Variants in SETX observed in about 807,000 individuals in gnomAD.
SETX encodes senataxin.
Under a neutral mutation model 227.2 loss-of-function variants are expected in SETX, and 90 were observed. The ratio of observed to expected loss-of-function variants is 0.40; its 90% confidence interval spans 0.33 to 0.47. The LOEUF is 0.47. Among genes scored for constraint, SETX ranks in the 20% least tolerant of loss-of-function variants. The pLI is 0.91. For synonymous variants in SETX, 1,210 were observed against 1,113.2 expected (o/e 1.09, Z -1.73); for missense variants, 3,052 against 3,181.5 (o/e 0.96, Z 0.98).
intron 25 of SETX, among the ~76,000 whole-genome samples, chr9:132,265,466 C>T (rs1423510520): frequency 6.6e-6 from 1 of 152,066 alleles, no homozygotes; most frequent in African/African-American, 2.4e-5. Flanking sequence ...ACCTCATGAT[C>T]CGCCCGCCTC....
chr9:132,289,377 C>A (rs761403211), intron 15 of SETX, among the ~76,000 whole-genome samples: 1 of 152,164 alleles, frequency 6.6e-6, no homozygotes, highest in Non-Finnish European at 1.5e-5. Context: ...GTATGACACA[C>A]GGCTCTCCTT....
chr9:132,296,115 TC>T, intron 14 of SETX, 87 bp from the exon 15 acceptor site: 1 of 1,489,522 alleles, frequency 6.7e-7, no homozygotes, highest in East Asian at 2.3e-5. Flanking sequence ...TGTCTTTACT[TC>T]CATGTATTTT....
At chr9:132,323,616 G>A (rs906382123) in intron 10 of SETX, among the ~76,000 whole-genome samples, 12 of 152,122 alleles carry the variant, frequency 7.9e-5, no homozygotes, top group Admixed American at 4.6e-4. Context: ...AAATATGGAA[G>A]GAAGGCCAGG....
rs111606315 is a variant in SETX, at chr9:132,284,424, T to G, written c.6397-1011A>C. ...TAAATTCAACTATATTTTAGTCACA[T>G]AGAGAAAGATCATAATCCATTCAGG... is the stretch of plus-strand genomic sequence containing the variant. On this transcript the variant is annotated intron_variant, in intron 18 of 25. Coordinates refer to ENST00000224140, the MANE Select transcript of SETX (RefSeq NM_015046.7). Among the ~76,000 whole-genome samples the G allele has an allele frequency of 4.2e-3, 635 of 152,316 alleles. 7 individuals carry two copies. Among genetic ancestry groups the G allele is most frequent in the African/African-American group, 0.013 (557 of 41,566 alleles).
intron 7 of SETX, 53 bp from the exon 8 acceptor site, chr9:132,331,501 T>A: frequency 1.3e-6 from 2 of 1,558,670 alleles, no homozygotes; most frequent in South Asian, 2.2e-5. Flanking sequence ...AAAAACATAC[T>A]ACAATATATT....
intron 24 of SETX, among the ~76,000 whole-genome samples, chr9:132,270,318 CG>C (rs1240304106): frequency 6.6e-6 from 1 of 151,876 alleles, no homozygotes; most frequent in Non-Finnish European, 1.5e-5. Flanking sequence ...AATGACTCAG[CG>C]TGCCCGTGTG....
At chr9:132,353,940 C>T (rs936162739) in intron 1 of SETX, among the ~76,000 whole-genome samples, 185 bp from the exon 2 acceptor site, 12 of 152,202 alleles carry the variant, frequency 7.9e-5, no homozygotes, top group African/African-American at 2.9e-4. Flanking sequence ...CCCAGTTCCA[C>T]AAGGGGCTGT....
intron 25 of SETX, among the ~76,000 whole-genome samples, chr9:132,266,413 A>T (rs1330030037): frequency 6.6e-6 from 1 of 152,240 alleles, no homozygotes; most frequent in East Asian, 1.9e-4. Flanking sequence ...TAAACCATTT[A>T]AAAATAATGC....
intron 15 of SETX, 87 bp from the exon 16 acceptor site, chr9:132,288,738 A>G (rs1262901769): frequency 1.1e-6 from 1 of 891,772 alleles, no homozygotes. Context: ...TTCTAAGTAA[A>G]TATGTTAATA....
chr9:132,343,383 G>C (rs1015466307), intron 4 of SETX, among the ~76,000 whole-genome samples: 3 of 152,040 alleles, frequency 2.0e-5, no homozygotes, highest in Admixed American at 2.0e-4. Flanking sequence ...TCTCCATAGG[G>C]AATGTATAAA....
intron 16 of SETX, 72 bp from the exon 17 acceptor site, chr9:132,288,423 A>G: frequency 1.4e-6 from 2 of 1,412,564 alleles, no homozygotes; most frequent in Admixed American, 1.8e-5. Context: ...ATACAACACA[A>G]TGAGAAGGAA....
At chr9:132,325,075 G>A (rs756463507) in intron 10 of SETX, among the ~76,000 whole-genome samples, 15 of 152,202 alleles carry the variant, frequency 9.9e-5, no homozygotes, top group African/African-American at 1.7e-4. Context: ...AGAAACTGGC[G>A]GCCAGACGCA....
rs1847054150 is a variant in SETX at position 132,329,148 on chromosome 9, ACAGT to A, written c.2446_2449del (p.Thr816TyrfsTer27). ...TGAATAGAAACTCTCAATGTTAGATACAGTCAAATTTTCATCTAAATTGATAGTA... is the reference window on the plus strand; with the variant it reads ...TGAATAGAAACTCTCAATGTTAGATACAAATTTTCATCTAAATTGATAGTA... On this transcript the variant is annotated frameshift_variant, in exon 10 of 26. Coordinates refer to ENST00000224140, the MANE Select transcript of SETX (RefSeq NM_015046.7). LOFTEE classifies it high-confidence loss of function. 1.2e-6 allele frequency: 2 copies of A among 1,611,464 alleles called. No homozygotes were observed. The highest frequency in any genetic ancestry group is 1.3e-5 in the African/African-American group (1 of 74,858).
chr9:132,329,892 T>C lies in SETX; in HGVS notation c.1706A>G (p.Asn569Ser), dbSNP rs776017576. The C allele has an allele frequency of 3.1e-6, 5 of 1,614,156 alleles. No homozygotes were observed. The highest frequency in any genetic ancestry group is 1.6e-4 in the Middle Eastern group (1 of 6,062). Reference sequence around the variant, plus strand: ...AGTCAACTGCCAACCTAGAGATAAATTTCCTCTAAGGAATAAGTTGAGCTT... The same window carrying C: ...AGTCAACTGCCAACCTAGAGATAAACTTCCTCTAAGGAATAAGTTGAGCTT... ...WDKLNLFLRG[N>S]LSLGWQLTSQ... The change falls in exon 10 of 26, where the codon AAT (asparagine) becomes AGT (serine). Residue 569 changes from asparagine (N) to serine (S), a missense_variant. This residue lies in a region of SETX where 179 missense variants were observed against 197.1 expected (regional missense o/e 0.91). Coordinates refer to ENST00000224140, the MANE Select transcript of SETX (RefSeq NM_015046.7).
intron 5 of SETX, among the ~76,000 whole-genome samples, chr9:132,342,221 C>T (rs1564563409): frequency 6.6e-6 from 1 of 152,190 alleles, no homozygotes; most frequent in African/African-American, 2.4e-5. Context: ...GGTTTCAATG[C>T]TATCTGCTTC....
rs114199531 is a variant in SETX at position 132,300,906 on chromosome 9, C to T, written c.5375-103G>A. The T allele has an allele frequency of 1.7e-4, 176 of 1,051,170 alleles. No homozygotes were observed. In the African/African-American group the frequency reaches 2.5e-3, roughly 15 times the overall value. The allele number at this position is 1,051,170 out of a possible 1,614,324, so 65.1% of individuals were successfully genotyped here. A position where few individuals can be genotyped will look rare whatever the true frequency, so the allele number is the denominator to read the frequency against. ...AATCCTTGTATTAAGTTCAAAAATACACAGCACTAAAGGACTCTGCATATA... is the reference window on the plus strand; with the variant it reads ...AATCCTTGTATTAAGTTCAAAAATATACAGCACTAAAGGACTCTGCATATA... On this transcript the variant is annotated intron_variant, in intron 11 of 25. Transcript: ENST00000224140.
At chr9:132,353,009 T>C (rs1264631706) in intron 2 of SETX, among the ~76,000 whole-genome samples, 1 of 152,178 alleles carries the variant, frequency 6.6e-6, no homozygotes, top group African/African-American at 2.4e-5. Flanking sequence ...ATTTTCATCA[T>C]TTGCCTGGAT....
chr9:132,338,122 T>TA (rs1432301387), intron 5 of SETX, among the ~76,000 whole-genome samples: 2 of 150,544 alleles, frequency 1.3e-5, no homozygotes, highest in Non-Finnish European at 3.0e-5. Flanking sequence ...GACAGAGTCT[T>TA]ACTCTATCGC....
chr9:132,313,708 T>C (rs1193203630), intron 10 of SETX, among the ~76,000 whole-genome samples: 1 of 152,136 alleles, frequency 6.6e-6, no homozygotes, highest in African/African-American at 2.4e-5. Context: ...TACAAACAAG[T>C]GTATGTTTGT....
Sources: gnomAD v4.1 joint callset for allele counts (sites outside exome capture counted in the v4.1 genomes callset) on GRCh38, gnomAD v4.1.1 for gene constraint, gnomAD v4.1.1 regional missense constraint, MANE v1.5 for transcripts, NCBI Gene and HGNC (gene_info 2026-07-23, HGNC 2026-07-21) for gene names.